Variants in PTPRT observed in about 807,000 individuals in gnomAD.
The protein encoded by PTPRT is protein tyrosine phosphatase receptor type T.
In PTPRT, 56 loss-of-function variants were observed where a neutral mutation model predicts 176.8. That is an observed-to-expected ratio of 0.32 (90% CI 0.26 to 0.40). The LOEUF is 0.40. Among genes scored for constraint, PTPRT ranks in the 10% least tolerant of loss-of-function variants. The pLI is 1.00. For missense variants in PTPRT, 1,540 were observed against 1,908.2 expected, an observed-to-expected ratio of 0.81 and a Z score of 3.60; for synonymous variants, 783 against 739.0, an observed-to-expected ratio of 1.06 and a Z score of -0.96.
intron 16 of PTPRT, among the ~76,000 whole-genome samples, chr20:42,164,520 C>T (rs908052654): frequency 3.3e-5 from 5 of 152,306 alleles, no homozygotes; most frequent in East Asian, 3.9e-4. Flanking sequence ...ATTAATCCAA[C>T]GGGTTAGACT....
chr20:42,544,325 T>A (rs111668518), intron 7 of PTPRT, among the ~76,000 whole-genome samples: 19 of 152,240 alleles, frequency 1.2e-4, no homozygotes, highest in Non-Finnish European at 2.5e-4. Context: ...ACACTTCTGT[T>A]ATGAAGAAAA....
At chr20:43,128,224 G>A (rs894923383) in intron 1 of PTPRT, among the ~76,000 whole-genome samples, 3 of 152,192 alleles carry the variant, frequency 2.0e-5, no homozygotes, top group Non-Finnish European at 2.9e-5. Flanking sequence ...CCCCCATTTG[G>A]ACAACTGGGA....
chr20:42,800,174 G>A (rs2077510131), intron 2 of PTPRT, among the ~76,000 whole-genome samples: 1 of 152,190 alleles, frequency 6.6e-6, no homozygotes, highest in Non-Finnish European at 1.5e-5. Flanking sequence ...GGAAAACTGA[G>A]AAACAGAGAG....
chr20:42,885,703 T>C (rs776589598), intron 2 of PTPRT, 104 bp downstream of exon 2: 148 of 1,429,364 alleles, frequency 1.0e-4, no homozygotes, highest in African/African-American at 1.4e-4. Context: ...GAGCTATCGA[T>C]TGCCATCTCA....
rs892132336 is a variant in PTPRT, at chr20:42,211,982, T to C, written c.2343-12594A>G. Among the ~76,000 whole-genome samples the C allele has an allele frequency of 2.0e-4, 26 of 130,198 alleles. 1 individual carries two copies. The South Asian group carries it at 5.6e-3, about 28-fold the overall frequency. 85.4% of individuals were successfully genotyped at this position (130,198 alleles called of 152,430 possible). On this transcript the variant is annotated intron_variant, in intron 15 of 30. Transcript: ENST00000373187. ...CTATGCAGCCATAAAAAATGATGAG[T>C]TCATGTCCTTTGTAGGGACATGGAT...
chr20:42,106,766 C>T lies in PTPRT; in HGVS notation c.3390+20G>A, dbSNP rs1160321470. On this transcript the variant is annotated intron_variant, in intron 24 of 30. Transcript: ENST00000373187. ...GTCAGGGCTACAGGTGGCCAACTGT[C>T]TTGGCCCCCTAGGACTCACCTCTGT... 1.2e-6 allele frequency: 2 copies of T among 1,610,232 alleles called. No individual in the cohort carries two copies. Among genetic ancestry groups the T allele is most frequent in the Admixed American group, 3.3e-5 (2 of 59,764 alleles).
intron 16 of PTPRT, among the ~76,000 whole-genome samples, chr20:42,184,592 T>TGC (rs1990683207): frequency 4.2e-5 from 6 of 141,516 alleles, no homozygotes; most frequent in African/African-American, 1.7e-4. Flanking sequence ...CTTCTTCTTC[T>TGC]TCCTCTTCTT....
intron 6 of PTPRT, among the ~76,000 whole-genome samples, chr20:42,744,221 C>T (rs2076656746): frequency 6.6e-6 from 1 of 152,270 alleles, no homozygotes; most frequent in Non-Finnish European, 1.5e-5. Context: ...CCAGACTCTA[C>T]CTGAGTTCAT....
At chr20:42,452,393 T>A (rs1052756270) in intron 8 of PTPRT, among the ~76,000 whole-genome samples, 2 of 152,000 alleles carry the variant, frequency 1.3e-5, no homozygotes, top group African/African-American at 4.8e-5. Context: ...TCTCCTTTTG[T>A]GAGAGAAGAG....
intron 1 of PTPRT, among the ~76,000 whole-genome samples, chr20:43,099,867 ACTTCT>A (rs1243139089): frequency 1.3e-5 from 2 of 151,750 alleles, no homozygotes; most frequent in African/African-American, 2.4e-5. Context: ...TGGTCTTGGG[ACTTCT>A]CTTCTATTAG....
At chr20:42,519,561 A>T (rs1235678737) in intron 7 of PTPRT, among the ~76,000 whole-genome samples, 1 of 152,088 alleles carries the variant, frequency 6.6e-6, no homozygotes, top group African/African-American at 2.4e-5. Context: ...AAAAATTACT[A>T]ATCTACATTT....
intron 7 of PTPRT, among the ~76,000 whole-genome samples, chr20:42,592,688 T>C (rs1569001340): frequency 6.6e-6 from 1 of 152,188 alleles, no homozygotes; most frequent in Non-Finnish European, 1.5e-5. Context: ...ACCGACTCCC[T>C]GGAGTTTACT....
intron 2 of PTPRT, among the ~76,000 whole-genome samples, chr20:42,873,880 G>C (rs1358643771): frequency 1.3e-5 from 2 of 151,922 alleles, no homozygotes; most frequent in African/African-American, 4.8e-5. Context: ...TACTAAACTG[G>C]GGAAAAAAGA....
intron 1 of PTPRT, among the ~76,000 whole-genome samples, chr20:43,137,201 T>C (rs2867652): frequency 1.3e-5 from 2 of 152,144 alleles, no homozygotes; most frequent in Admixed American, 1.3e-4. Context: ...CAGCATGTTA[T>C]GGGTACATGG....
intron 16 of PTPRT, among the ~76,000 whole-genome samples, chr20:42,172,575 C>T (rs1165939399): frequency 1.3e-5 from 2 of 152,152 alleles, no homozygotes; most frequent in African/African-American, 4.8e-5. Context: ...CACATGCAAT[C>T]GTAAGAAATA....
chr20:43,072,813 A>G (rs1381529035), intron 1 of PTPRT, among the ~76,000 whole-genome samples: 2 of 152,234 alleles, frequency 1.3e-5, no homozygotes, highest in African/African-American at 4.8e-5. Context: ...TCAATTAAAC[A>G]AATCCTCTAA....
rs1384571076 is a variant in PTPRT at position 42,893,742 on chromosome 20, T to G, written c.89-7810A>C. Among the ~76,000 whole-genome samples the G allele has an allele frequency of 4.0e-3, 604 of 151,580 alleles. 5 individuals are homozygous for G. Among genetic ancestry groups the G allele is most frequent in the African/African-American group, 0.014 (570 of 41,210 alleles). On this transcript the variant is annotated intron_variant, in intron 1 of 30. Coordinates refer to ENST00000373187, the MANE Select transcript of PTPRT (RefSeq NM_007050.6). ...TGGATGAAATTGGAAATCATCATTCTCAGTAAACTATCGCAAGGACAAAAA... is the reference window on the plus strand; with the variant it reads ...TGGATGAAATTGGAAATCATCATTCGCAGTAAACTATCGCAAGGACAAAAA...
At chr20:42,704,732 G>A (rs1280527842) in intron 6 of PTPRT, among the ~76,000 whole-genome samples, 3 of 151,970 alleles carry the variant, frequency 2.0e-5, no homozygotes, top group East Asian at 1.9e-4. Flanking sequence ...CCATCACACC[G>A]AACTGTAATT....
intron 15 of PTPRT, among the ~76,000 whole-genome samples, chr20:42,208,674 G>C (rs1170790345): frequency 6.6e-6 from 1 of 151,956 alleles, no homozygotes; most frequent in African/African-American, 2.4e-5. Flanking sequence ...AAGAGACTTA[G>C]ACTCCCACAC....
Sources: allele counts gnomAD v4.1 joint callset (sites outside exome capture counted in the v4.1 genomes callset), GRCh38; gene constraint gnomAD v4.1.1; transcripts MANE v1.5; gene names NCBI Gene and HGNC (gene_info 2026-07-23, HGNC 2026-07-21).